The following B4GALT6 variants were observed in gnomAD, a reference collection of about 807,000 sequenced individuals.
The protein encoded by B4GALT6 is UDP-Gal:beta-GlcNAc beta-1,4-galactosyltransferase 6.
In B4GALT6, 14 loss-of-function variants were observed where a neutral mutation model predicts 46.3. The observed-to-expected ratio is 0.30, with a 90% confidence interval of 0.20 to 0.47. B4GALT6 has a LOEUF of 0.47. Ranked by LOEUF, B4GALT6 falls within the 20% of genes least tolerant of loss-of-function variation. The pLI is 0.99. For missense variants in B4GALT6, 386 were observed against 480.1 expected (o/e 0.80, Z 1.83); for synonymous variants, 168 against 162.0 (o/e 1.04, Z -0.28).
At chr18:31,699,233 G>A in the B4GALT6 span, among the ~76,000 whole-genome samples, 336 of 149,628 alleles carry the variant, frequency 2.2e-3, 12 homozygotes, top group South Asian at 0.065. Context: ...CACACATATC[G>A]TTGCTTAGAA....
intron 1 of B4GALT6, among the ~76,000 whole-genome samples, chr18:31,680,025 T>C (rs1476865345): frequency 6.6e-6 from 1 of 152,152 alleles, no homozygotes; most frequent in African/African-American, 2.4e-5. Context: ...ACTTCTGACA[T>C]TTCCTGTTAC....
chr18:31,696,300 G>C, the B4GALT6 span, among the ~76,000 whole-genome samples: 12 of 152,108 alleles, frequency 7.9e-5, no homozygotes, highest in Non-Finnish European at 1.5e-5. Flanking sequence ...CGCGTATTTG[G>C]CATTGCTGAA....
At chr18:31,635,954 C>G (rs1049625009) in intron 5 of B4GALT6, among the ~76,000 whole-genome samples, 1 of 152,124 alleles carries the variant, frequency 6.6e-6, no homozygotes, top group African/African-American at 2.4e-5. Flanking sequence ...CCTAGCAGAC[C>G]TTTTAGTAGA....
chr18:31,644,147 T>C (rs1376688710), intron 4 of B4GALT6, among the ~76,000 whole-genome samples: 1 of 152,250 alleles, frequency 6.6e-6, no homozygotes, highest in African/African-American at 2.4e-5. Context: ...AATGTTTTGC[T>C]AAAATTGGTA....
chr18:31,702,795 A>G, the B4GALT6 span, among the ~76,000 whole-genome samples: 1 of 152,230 alleles, frequency 6.6e-6, no homozygotes, highest in Non-Finnish European at 1.5e-5. Flanking sequence ...TTCCAACATG[A>G]AGCCCAAGGT....
At chr18:31,712,579 G>A in the B4GALT6 span, among the ~76,000 whole-genome samples, 25 of 152,264 alleles carry the variant, frequency 1.6e-4, no homozygotes, top group African/African-American at 5.3e-4. Context: ...GCCTCCCAAA[G>A]TGTTGGGATT....
chr18:31,688,812 G>A (rs990419123), upstream of B4GALT6, among the ~76,000 whole-genome samples: 12 of 149,130 alleles, frequency 8.0e-5, no homozygotes, highest in African/African-American at 2.6e-4. Context: ...AGCAGAGCTG[G>A]GAAGAAAGCC....
At chr18:31,688,385 T>A (rs1019032655), upstream of B4GALT6, among the ~76,000 whole-genome samples, 1 of 151,618 alleles carries the variant, frequency 6.6e-6, no homozygotes, top group Non-Finnish European at 1.5e-5. Context: ...CCCTGTATCT[T>A]ATTTAGATTA....
chr18:31,668,932 A>T (rs943893267), intron 1 of B4GALT6, among the ~76,000 whole-genome samples: 2 of 151,398 alleles, frequency 1.3e-5, no homozygotes, highest in African/African-American at 4.9e-5. Context: ...AATCACTTGA[A>T]CCCAGGAGGC....
upstream of B4GALT6, chr18:31,685,632 C>T (rs1401686270): frequency 1.3e-5 from 2 of 152,454 alleles, no homozygotes; most frequent in South Asian, 2.0e-4. Flanking sequence ...CCCGCCCGCC[C>T]GGGGACCCCG....
chr18:31,684,582 G>A (rs1394321693), upstream of B4GALT6: 51 of 1,293,108 alleles, frequency 3.9e-5, no homozygotes, highest in Middle Eastern at 3.2e-4. Flanking sequence ...CGGAAAAGAG[G>A]AAATGGGAGG....
intron 6 of B4GALT6, 31 bp from the exon 7 acceptor site, chr18:31,627,152 T>C (rs1350272459): frequency 6.4e-7 from 1 of 1,555,164 alleles, no homozygotes; most frequent in Non-Finnish European, 8.7e-7. Flanking sequence ...ATTCTAAAAA[T>C]AAAATCATAA....
chr18:31,629,784 A>C (rs1228933745), intron 6 of B4GALT6, among the ~76,000 whole-genome samples: 1 of 148,524 alleles, frequency 6.7e-6, no homozygotes, highest in Non-Finnish European at 1.5e-5. Flanking sequence ...CGGGAGGCAG[A>C]GCTTGCAGTG....
chr18:31,649,701 A>G (rs1456170545), intron 3 of B4GALT6, among the ~76,000 whole-genome samples: 4 of 152,210 alleles, frequency 2.6e-5, no homozygotes, highest in African/African-American at 2.4e-5. Context: ...TAAAACCACG[A>G]TAAGACAGCA....
upstream of B4GALT6, among the ~76,000 whole-genome samples, chr18:31,690,572 C>T (rs1227397531): frequency 3.3e-5 from 5 of 151,966 alleles, no homozygotes; most frequent in South Asian, 4.2e-4. Context: ...TGGGTTCAAG[C>T]GCTTCTGCTG....
At chr18:31,722,353 G>A in the B4GALT6 span, among the ~76,000 whole-genome samples, 2 of 152,102 alleles carry the variant, frequency 1.3e-5, no homozygotes, top group East Asian at 1.9e-4. Flanking sequence ...GTAATATTGG[G>A]TAATATTGAT....
upstream of B4GALT6, chr18:31,684,690 G>A (rs2074523888): frequency 3.5e-6 from 4 of 1,132,266 alleles, no homozygotes; most frequent in Non-Finnish European, 4.4e-6. Flanking sequence ...CTGGGGGCTA[G>A]GGGCCCGGGG....
At chr18:31,637,466 C>T (rs2073874155) in intron 5 of B4GALT6, among the ~76,000 whole-genome samples, 1 of 151,028 alleles carries the variant, frequency 6.6e-6, no homozygotes, top group Non-Finnish European at 1.5e-5. Flanking sequence ...GGTCTATATC[C>T]TACAACAAAA....
intron 3 of B4GALT6, among the ~76,000 whole-genome samples, chr18:31,652,971 C>T (rs2074092412): frequency 6.6e-6 from 1 of 151,890 alleles, no homozygotes; most frequent in South Asian, 2.1e-4. Flanking sequence ...CTAAAGCCTT[C>T]GATGGTTCTC....
Sources: allele counts gnomAD v4.1 joint callset (sites outside exome capture counted in the v4.1 genomes callset), GRCh38; gene constraint gnomAD v4.1.1; transcripts MANE v1.5; gene names NCBI Gene and HGNC (gene_info 2026-07-23, HGNC 2026-07-21).